Variants in ARID3B observed in about 807,000 individuals in gnomAD.
ARID3B encodes the protein AT-rich interactive domain-containing protein 3B.
Under a neutral mutation model 51.9 loss-of-function variants are expected in ARID3B, and 10 were observed. The observed-to-expected ratio is 0.19, with a 90% CI of 0.12 to 0.33. The LOEUF (loss-of-function observed/expected upper bound fraction) is 0.33. Among genes scored for constraint, ARID3B ranks in the 10% least tolerant of loss-of-function variants. The pLI, the probability that ARID3B is intolerant of heterozygous loss-of-function variation, is 1.00. For missense variants in ARID3B, 483 were observed against 716.3 expected (o/e 0.67, Z 3.72); for synonymous variants, 205 against 279.5 (o/e 0.73, Z 2.66).
chr15:74,597,293 C>T lies in ARID3B; in HGVS notation c.*1519C>T. On this transcript the variant is annotated 3_prime_UTR_variant, in exon 9 of 9. Transcript: ENST00000346246. Reference sequence around the variant, plus strand: ...GTCGAGGAAGCCCTGGAATGTTCAGCAGAACACCACCACTGTGACATGGGG... The same window carrying T: ...GTCGAGGAAGCCCTGGAATGTTCAGTAGAACACCACCACTGTGACATGGGG... 1 of 404,166 alleles carries T rather than the reference C, an allele frequency of 2.5e-6. No individual in the cohort carries two copies. Among genetic ancestry groups the T allele is most frequent in the South Asian group, 2.5e-5 (1 of 40,428 alleles). 25.0% of individuals were successfully genotyped at this position (404,166 alleles called of 1,614,324 possible). A position where few individuals can be genotyped will look rare whatever the true frequency, so the allele number is the denominator to read the frequency against.
At chr15:74,562,480 C>T (rs938050868) in intron 2 of ARID3B, among the ~76,000 whole-genome samples, 3 of 152,132 alleles carry the variant, frequency 2.0e-5, no homozygotes, top group African/African-American at 4.8e-5. Context: ...GGGTTGTTAA[C>T]GCCATCATAA....
At chr15:74,577,090 A>G (rs2061740965) in intron 4 of ARID3B, among the ~76,000 whole-genome samples, 1 of 152,242 alleles carries the variant, frequency 6.6e-6, no homozygotes, top group African/African-American at 2.4e-5. Context: ...AGACTGAGGC[A>G]GGAAGATAGT....
chr15:74,542,002 T>C (rs1180279458), intron 1 of ARID3B, among the ~76,000 whole-genome samples: 1 of 152,170 alleles, frequency 6.6e-6, no homozygotes, highest in African/African-American at 2.4e-5. Flanking sequence ...TATTGAGTTG[T>C]AGAACTGAGT....
chr15:74,548,890 G>GT (rs994484081), intron 2 of ARID3B, among the ~76,000 whole-genome samples: 150 of 151,622 alleles, frequency 9.9e-4, no homozygotes, highest in East Asian at 3.3e-3. Context: ...TTTTTTTGGG[G>GT]TTTTTTTTGC....
chr15:74,570,322 G>A (rs144557270), intron 2 of ARID3B, among the ~76,000 whole-genome samples: 63 of 152,186 alleles, frequency 4.1e-4, no homozygotes, highest in Non-Finnish European at 6.0e-4. Flanking sequence ...TCACACTAGC[G>A]TGCTTGTTTT....
At chr15:74,582,829 A>G (rs1307570359) in intron 4 of ARID3B, among the ~76,000 whole-genome samples, 1 of 152,352 alleles carries the variant, frequency 6.6e-6, no homozygotes, top group South Asian at 2.1e-4. Flanking sequence ...AAGAATTCCA[A>G]TGTCCATCAG....
intron 5 of ARID3B, among the ~76,000 whole-genome samples, chr15:74,590,375 G>C (rs1008220268): frequency 2.0e-5 from 3 of 152,198 alleles, no homozygotes; most frequent in Non-Finnish European, 4.4e-5. Context: ...CTGTCTCTAA[G>C]ACCTGTGCCC....
intron 4 of ARID3B, among the ~76,000 whole-genome samples, chr15:74,578,210 G>A (rs2061745447): frequency 6.8e-6 from 1 of 147,592 alleles, no homozygotes; most frequent in African/African-American, 2.5e-5. Context: ...GTCTCCCTCT[G>A]TAGCCCAGGC....
At chr15:74,574,652 G>C (rs942932199) in intron 4 of ARID3B, 1 of 152,124 alleles carries the variant, frequency 6.6e-6, no homozygotes, top group Admixed American at 6.5e-5. Flanking sequence ...AATCTGAGCA[G>C]CCTTAATTAG....
intron 2 of ARID3B, among the ~76,000 whole-genome samples, chr15:74,562,360 C>T (rs1475260677): frequency 2.0e-5 from 3 of 152,182 alleles, no homozygotes; most frequent in Non-Finnish European, 4.4e-5. Context: ...AGGCTAGTCT[C>T]GAACTCCTGT....
intron 4 of ARID3B, among the ~76,000 whole-genome samples, chr15:74,584,822 C>T (rs893592760): frequency 6.6e-6 from 1 of 152,210 alleles, no homozygotes; most frequent in African/African-American, 2.4e-5. Flanking sequence ...CAGCGCCCAG[C>T]GGCATTCCCA....
chr15:74,573,213 G>A lies in ARID3B; in HGVS notation c.697+9G>A. ...CTTTATGCAGAAGAGGGGTGAGTGT[G>A]CATCTACTCATCATTCCAATTCAGG... On this transcript the variant is annotated intron_variant, in intron 4 of 8. Transcript: ENST00000346246. The A allele has an allele frequency of 6.2e-7, 1 of 1,613,232 alleles. No homozygotes were observed. Among genetic ancestry groups the A allele is most frequent in the Non-Finnish European group, 8.5e-7 (1 of 1,179,186 alleles).
chr15:74,586,608 C>T (rs561421248), intron 4 of ARID3B, among the ~76,000 whole-genome samples: 9 of 152,360 alleles, frequency 5.9e-5, no homozygotes, highest in Admixed American at 2.6e-4. Flanking sequence ...GTGGCTCACG[C>T]CTGTCATCCC....
At chr15:74,586,284 A>G (rs1800593057) in intron 4 of ARID3B, among the ~76,000 whole-genome samples, 1 of 152,186 alleles carries the variant, frequency 6.6e-6, no homozygotes, top group Admixed American at 6.5e-5. Flanking sequence ...GAGATCACTT[A>G]TTAGTTAGGT....
At chr15:74,573,440 T>G in intron 4 of ARID3B, 1 of 554,000 alleles carries the variant, frequency 1.8e-6, no homozygotes, top group Non-Finnish European at 3.2e-6. Context: ...TGCCTGATTT[T>G]GTCTCTTCTT....
At chr15:74,549,569 A>C (rs1452461758) in intron 2 of ARID3B, among the ~76,000 whole-genome samples, 1 of 151,794 alleles carries the variant, frequency 6.6e-6, no homozygotes, top group Admixed American at 6.5e-5. Context: ...TGGTGTAAAA[A>C]AAAAAAAAAA....
At chr15:74,554,792 A>C (rs12442097) in intron 2 of ARID3B, among the ~76,000 whole-genome samples, 37,971 of 152,082 alleles carry the variant, frequency 0.25, 6,370 homozygotes, top group East Asian at 0.54. Context: ...TTTTACACTA[A>C]AGGCATATCT....
At chr15:74,578,556 A>C (rs1417842288) in intron 4 of ARID3B, among the ~76,000 whole-genome samples, 1 of 152,140 alleles carries the variant, frequency 6.6e-6, no homozygotes, top group Non-Finnish European at 1.5e-5. Flanking sequence ...TGGGGGACAC[A>C]GGAGGCAGAT....
intron 2 of ARID3B, among the ~76,000 whole-genome samples, chr15:74,547,019 C>CATTACAG (rs1162003843): frequency 2.0e-5 from 3 of 152,018 alleles, no homozygotes; most frequent in Non-Finnish European, 4.4e-5. Context: ...CTATAGAAAC[C>CATTACAG]ATTACAGATC....
Sources: allele counts gnomAD v4.1 joint callset (sites outside exome capture counted in the v4.1 genomes callset), GRCh38; gene constraint gnomAD v4.1.1; transcripts MANE v1.5; gene names NCBI Gene and HGNC (gene_info 2026-07-23, HGNC 2026-07-21).